The following KLHL18 variants were observed in gnomAD, a reference collection of about 807,000 sequenced individuals.
KLHL18 encodes kelch-like protein 18.
KLHL18 carries 38 observed loss-of-function variants against 58.5 expected under a neutral mutation model. The ratio of observed to expected loss-of-function variants is 0.65; its 90% CI spans 0.50 to 0.85. The LOEUF (loss-of-function observed/expected upper bound fraction) is 0.85, where lower values mean the gene tolerates loss of function less well. Ranked by LOEUF, KLHL18 falls within the 40% of genes least tolerant of loss-of-function variation. KLHL18 has a pLI of 0.00. For missense variants in KLHL18, 624 were observed against 778.4 expected (o/e 0.80, Z 2.36); for synonymous variants, 303 against 301.9 (o/e 1.00, Z -0.04).
chr3:47,313,211 A>ATT (rs759672291), intron 1 of KLHL18, among the ~76,000 whole-genome samples: 5 of 117,326 alleles, frequency 4.3e-5, no homozygotes, highest in South Asian at 2.7e-4. Flanking sequence ...GCCCGGCCTA[A>ATT]TTTTTTTTTT....
intron 1 of KLHL18, among the ~76,000 whole-genome samples, chr3:47,314,853 TC>T (rs1475851203): frequency 1.3e-5 from 2 of 152,132 alleles, no homozygotes; most frequent in African/African-American, 2.4e-5. Context: ...AATTTGTTGT[TC>T]CCCTTAGCTG....
chr3:47,286,565 C>T (rs1002564369), intron 1 of KLHL18, among the ~76,000 whole-genome samples: 1 of 152,166 alleles, frequency 6.6e-6, no homozygotes, highest in Admixed American at 6.5e-5. Flanking sequence ...CTTGTTAAAA[C>T]GCTGGTTGTT....
intron 1 of KLHL18, among the ~76,000 whole-genome samples, chr3:47,316,679 A>G (rs1213445126): frequency 2.0e-4 from 15 of 74,780 alleles, no homozygotes; most frequent in African/African-American, 1.1e-3. Flanking sequence ...GTATATATGT[A>G]TATGTGTGTG....
In KLHL18 at chr3:47,329,859, C is replaced by T. The variant is rs1703812802; in HGVS notation, c.402-92C>T. ...AAAGCTGAGGTTAAGAATTTGTTTTCATTCTGTGGCTCTACCCAGAACCAG... is the reference window on the plus strand; with the variant it reads ...AAAGCTGAGGTTAAGAATTTGTTTTTATTCTGTGGCTCTACCCAGAACCAG... On this transcript the variant is annotated intron_variant, in intron 3 of 9. Coordinates refer to ENST00000232766, the MANE Select transcript of KLHL18 (RefSeq NM_025010.5). The T allele has an allele frequency of 5.6e-6, 6 of 1,062,440 alleles. No individual in the cohort carries two copies. The African/African-American group carries it at 6.3e-5, about 11-fold the overall frequency. 65.8% of individuals were successfully genotyped at this position (1,062,440 alleles called of 1,614,324 possible).
At chr3:47,310,946 T>A (rs1703284147) in intron 1 of KLHL18, among the ~76,000 whole-genome samples, 1 of 152,064 alleles carries the variant, frequency 6.6e-6, no homozygotes, top group Admixed American at 6.6e-5. Flanking sequence ...GTTCATACTC[T>A]ATCTCCACAG....
intron 3 of KLHL18, 83 bp downstream of exon 3, chr3:47,322,791 CA>C: frequency 7.5e-7 from 1 of 1,339,998 alleles, no homozygotes. Context: ...TTCTTGGGAC[CA>C]TATATAGGTT....
intron 5 of KLHL18, among the ~76,000 whole-genome samples, chr3:47,333,559 G>A (rs1466987512): frequency 2.6e-5 from 4 of 152,240 alleles, no homozygotes; most frequent in Non-Finnish European, 5.9e-5. Context: ...TTCCCCTGCT[G>A]AGTTATCTGA....
At chr3:47,300,601 A>G (rs1703002294) in intron 1 of KLHL18, among the ~76,000 whole-genome samples, 1 of 113,496 alleles carries the variant, frequency 8.8e-6, no homozygotes, top group Admixed American at 8.6e-5. Context: ...TATTTTAGCC[A>G]TTCTGTTAAA....
chr3:47,301,146 A>G (rs2107596106), intron 1 of KLHL18, among the ~76,000 whole-genome samples: 1 of 152,084 alleles, frequency 6.6e-6, no homozygotes, highest in South Asian at 2.1e-4. Flanking sequence ...TTTGTCAGGT[A>G]TGTAGTTTGC....
At chr3:47,321,646 G>A (rs533425062) in intron 2 of KLHL18, among the ~76,000 whole-genome samples, 9 of 152,118 alleles carry the variant, frequency 5.9e-5, no homozygotes, top group South Asian at 2.1e-4. Flanking sequence ...CACTGCGCCC[G>A]GCTTCTGCCA....
chr3:47,340,464 A>G (rs1413032808), intron 7 of KLHL18, 108 bp from the exon 8 acceptor site: 5 of 1,535,926 alleles, frequency 3.3e-6, no homozygotes, highest in Non-Finnish European at 4.5e-6. Flanking sequence ...CATACCTTAG[A>G]TTTACGTTGC....
At chr3:47,339,390 T>C (rs1704056304) in intron 7 of KLHL18, among the ~76,000 whole-genome samples, 2 of 149,162 alleles carry the variant, frequency 1.3e-5, no homozygotes, top group Admixed American at 1.3e-4. Flanking sequence ...TACTGGGGAG[T>C]CTGAGGTGGG....
intron 2 of KLHL18, 118 bp from the exon 3 acceptor site, chr3:47,322,450 A>AT (rs1703610614): frequency 2.2e-6 from 2 of 929,632 alleles, no homozygotes; most frequent in East Asian, 6.0e-5. Flanking sequence ...TAGTTACTCC[A>AT]TTAGATAGAT....
chr3:47,339,521 G>T (rs547855871), intron 7 of KLHL18, among the ~76,000 whole-genome samples: 2 of 150,888 alleles, frequency 1.3e-5, no homozygotes, highest in Non-Finnish European at 3.0e-5. Flanking sequence ...AATAACAAAT[G>T]TAGAGTACCT....
chr3:47,327,001 G>A (rs1703739435), intron 3 of KLHL18, among the ~76,000 whole-genome samples: 1 of 152,088 alleles, frequency 6.6e-6, no homozygotes. Context: ...CACTTTTGGA[G>A]GCCGAGGCAG....
chr3:47,311,488 C>G (rs1703298311), intron 1 of KLHL18, among the ~76,000 whole-genome samples: 1 of 151,998 alleles, frequency 6.6e-6, no homozygotes, highest in Admixed American at 6.6e-5. Flanking sequence ...GTCAGGAGAT[C>G]AAGACCATTC....
At chr3:47,284,968 G>A (rs534610296) in intron 1 of KLHL18, among the ~76,000 whole-genome samples, 4 of 152,090 alleles carry the variant, frequency 2.6e-5, no homozygotes, top group South Asian at 4.2e-4. Flanking sequence ...ACAGGCGCCC[G>A]CCACCACGCC....
At chr3:47,288,973 G>C (rs1702735614) in intron 1 of KLHL18, among the ~76,000 whole-genome samples, 1 of 152,234 alleles carries the variant, frequency 6.6e-6, no homozygotes, top group Non-Finnish European at 1.5e-5. Context: ...GGTCTAGCCA[G>C]TTGGGCACAC....
intron 1 of KLHL18, among the ~76,000 whole-genome samples, chr3:47,305,034 AAAAG>A (rs1360763590): frequency 2.1e-4 from 32 of 152,004 alleles, no homozygotes; most frequent in African/African-American, 6.8e-4. Context: ...CAAAAAAAAA[AAAAG>A]AAAGAAAAAA....
Sources: allele counts gnomAD v4.1 joint callset (sites outside exome capture counted in the v4.1 genomes callset), GRCh38; gene constraint gnomAD v4.1.1; transcripts MANE v1.5; gene names NCBI Gene and HGNC (gene_info 2026-07-23, HGNC 2026-07-21).